Variants in NKAIN2 observed in about 807,000 individuals in gnomAD.
NKAIN2 encodes sodium/potassium transporting ATPase interacting 2, also known as sodium/potassium-transporting ATPase subunit beta-1-interacting protein 2.
Under a neutral mutation model 32.6 loss-of-function variants are expected in NKAIN2, and 14 were observed. The ratio of observed to expected loss-of-function variants is 0.43; its 90% confidence interval spans 0.28 to 0.67. The LOEUF is 0.67. Among genes scored for constraint, NKAIN2 ranks in the 30% least tolerant of loss-of-function variants. The pLI is 0.17. For synonymous variants in NKAIN2, 80 were observed against 87.2 expected, an observed-to-expected ratio of 0.92 and a Z score of 0.46; for missense variants, 198 against 258.3, an observed-to-expected ratio of 0.77 and a Z score of 1.60.
chr6:124,215,930 C>T (rs1791453645), intron 1 of NKAIN2, among the ~76,000 whole-genome samples: 1 of 151,966 alleles, frequency 6.6e-6, no homozygotes, highest in Non-Finnish European at 1.5e-5. Flanking sequence ...CCAGCCTGGC[C>T]AACATGGTGA....
intron 5 of NKAIN2, among the ~76,000 whole-genome samples, chr6:124,795,921 C>G (rs1215812282): frequency 6.6e-6 from 1 of 152,132 alleles, no homozygotes; most frequent in Non-Finnish European, 1.5e-5. Context: ...ACATTTACAT[C>G]ATAGCAGACA....
At chr6:124,659,946 C>G (rs73772201) in intron 4 of NKAIN2, among the ~76,000 whole-genome samples, 8,848 of 152,106 alleles carry the variant, frequency 0.058, 341 homozygotes, top group African/African-American at 0.11. Flanking sequence ...GACACTCCTT[C>G]CAATTAACAA....
At position 124,759,640 on chromosome 6, in the gene NKAIN2, CACACACACACACACA is replaced by C. The variant is rs1440619031; in HGVS notation, c.475-31698_475-31684del. 3.3e-3 allele frequency among the ~76,000 whole-genome samples: 432 copies of C among 130,576 alleles called. 3 individuals are homozygous for C. The highest frequency in any genetic ancestry group is 4.0e-3 in the Middle Eastern group (1 of 252). The allele number at this position is 130,576 out of a possible 152,430, so 85.7% of individuals were successfully genotyped here. On this transcript the variant is annotated intron_variant, in intron 4 of 6. Coordinates refer to ENST00000368417, the MANE Select transcript of NKAIN2 (RefSeq NM_001040214.3). Reference sequence around the variant, plus strand: ...ACACACACACACACACACACACACACACACACACACACACACCCCCTATCTCCCTTTCCTGCCTTA... The same window carrying C: ...ACACACACACACACACACACACACACCCCCCTATCTCCCTTTCCTGCCTTA...
At chr6:123,998,954 G>T (rs981896730) in intron 1 of NKAIN2, among the ~76,000 whole-genome samples, 17 of 151,752 alleles carry the variant, frequency 1.1e-4, no homozygotes, top group African/African-American at 4.1e-4. Flanking sequence ...ATTATTGAAG[G>T]TTTTATAGCT....
chr6:124,681,421 C>A (rs1216402238), intron 4 of NKAIN2, among the ~76,000 whole-genome samples: 2 of 151,842 alleles, frequency 1.3e-5, no homozygotes, highest in African/African-American at 4.8e-5. Context: ...CAAACAAACC[C>A]CTGATTGAAT....
chr6:124,680,290 A>G (rs1316202649), intron 4 of NKAIN2, among the ~76,000 whole-genome samples: 2 of 152,158 alleles, frequency 1.3e-5, no homozygotes, highest in Non-Finnish European at 2.9e-5. Context: ...AAGCCAAGAG[A>G]TGCTGTGGCA....
chr6:123,963,995 C>T (rs558712319), intron 1 of NKAIN2, among the ~76,000 whole-genome samples: 1 of 152,182 alleles, frequency 6.6e-6, no homozygotes, highest in Non-Finnish European at 1.5e-5. Flanking sequence ...AGAGGCCAAA[C>T]ATTGTTCTAT....
intron 1 of NKAIN2, among the ~76,000 whole-genome samples, chr6:124,008,999 T>G (rs531603201): frequency 6.6e-6 from 1 of 152,320 alleles, no homozygotes; most frequent in Admixed American, 6.5e-5. Flanking sequence ...TAAGACGGTA[T>G]TCCATAAGTC....
At chr6:124,758,292 C>T (rs1778057905) in intron 4 of NKAIN2, among the ~76,000 whole-genome samples, 2 of 152,060 alleles carry the variant, frequency 1.3e-5, no homozygotes, top group African/African-American at 4.8e-5. Flanking sequence ...TCCTAACCCC[C>T]AGTGTGGTTA....
At chr6:124,198,299 G>T (rs1254031290) in intron 1 of NKAIN2, among the ~76,000 whole-genome samples, 1 of 151,882 alleles carries the variant, frequency 6.6e-6, no homozygotes, top group Non-Finnish European at 1.5e-5. Flanking sequence ...GACTGCAGTT[G>T]TTTAGTACTT....
chr6:124,279,802 A>G (rs1345173426), intron 1 of NKAIN2, among the ~76,000 whole-genome samples: 1 of 152,286 alleles, frequency 6.6e-6, no homozygotes, highest in Middle Eastern at 3.4e-3. Flanking sequence ...AATCTAATCC[A>G]TCACATTCAT....
intron 3 of NKAIN2, among the ~76,000 whole-genome samples, chr6:124,516,354 T>G (rs1778913947): frequency 6.6e-6 from 1 of 152,174 alleles, no homozygotes; most frequent in Admixed American, 6.5e-5. Context: ...CATGAAATAC[T>G]AGACAATAAC....
intron 3 of NKAIN2, among the ~76,000 whole-genome samples, chr6:124,485,389 C>G (rs965088227): frequency 6.6e-6 from 1 of 152,096 alleles, no homozygotes; most frequent in Non-Finnish European, 1.5e-5. Context: ...AGACTCTCTC[C>G]TTCACCTTCC....
intron 4 of NKAIN2, among the ~76,000 whole-genome samples, chr6:124,766,722 A>G (rs1320183760): frequency 3.3e-5 from 5 of 152,162 alleles, no homozygotes; most frequent in African/African-American, 4.8e-5. Context: ...GCTCTTGAGT[A>G]TATGCTTTTC....
intron 1 of NKAIN2, among the ~76,000 whole-genome samples, chr6:124,256,770 A>G (rs1472589594): frequency 1.3e-5 from 2 of 152,156 alleles, no homozygotes; most frequent in Admixed American, 6.5e-5. Flanking sequence ...AAACACTAAT[A>G]AACAGTAGCA....
rs935958959 is a variant in NKAIN2 at position 124,167,405 on chromosome 6, A to C, written c.55-115600A>C. Among the ~76,000 whole-genome samples, 11 of 152,138 alleles carry C rather than the reference A, an allele frequency of 7.2e-5. No homozygotes were observed. The South Asian group carries it at 1.9e-3, about 26-fold the overall frequency. ...CATTGCTGAAGTTGCTTATCAGCTT[A>C]AGGAGATTTTGGGCTGAGACAATGG... On this transcript the variant is annotated intron_variant, in intron 1 of 6. Coordinates refer to ENST00000368417, the MANE Select transcript of NKAIN2 (RefSeq NM_001040214.3).
chr6:124,518,179 C>T (rs763124947), intron 3 of NKAIN2, among the ~76,000 whole-genome samples: 4 of 150,722 alleles, frequency 2.7e-5, no homozygotes, highest in African/African-American at 7.3e-5. Context: ...TAAAAGCATG[C>T]GAAAATTCTC....
At chr6:124,077,641 T>G (rs960999050) in intron 1 of NKAIN2, among the ~76,000 whole-genome samples, 1 of 152,120 alleles carries the variant, frequency 6.6e-6, no homozygotes, top group African/African-American at 2.4e-5. Flanking sequence ...TCTTTTTTTT[T>G]TTTGGAGACA....
chr6:124,474,754 T>C (rs1777115400), intron 3 of NKAIN2, among the ~76,000 whole-genome samples: 1 of 149,884 alleles, frequency 6.7e-6, no homozygotes, highest in Non-Finnish European at 1.5e-5. Context: ...TGATATATAC[T>C]TCTGTACCCT....
Sources: allele counts gnomAD v4.1 joint callset (sites outside exome capture counted in the v4.1 genomes callset), GRCh38; gene constraint gnomAD v4.1.1; transcripts MANE v1.5; gene names NCBI Gene and HGNC (gene_info 2026-07-23, HGNC 2026-07-21).